The following KCNJ6 variants were observed in gnomAD, a reference collection of about 807,000 sequenced individuals.
KCNJ6 encodes G protein-activated inward rectifier potassium channel 2.
A neutral mutation model predicts 34.2 loss-of-function variants in KCNJ6; 9 were observed. The observed-to-expected ratio is 0.26, with a 90% confidence interval of 0.16 to 0.46. The LOEUF (loss-of-function observed/expected upper bound fraction) is 0.46, where lower values mean the gene tolerates loss of function less well. Ranked by LOEUF, KCNJ6 falls within the 20% of genes least tolerant of loss-of-function variation. The probability of loss-of-function intolerance (pLI) is 1.00; values close to 1 mark genes in which losing one functional copy is unlikely to be tolerated. For missense variants in KCNJ6, 236 were observed against 531.3 expected (o/e 0.44, Z 5.46); for synonymous variants, 196 against 207.1 (o/e 0.95, Z 0.46).
At chr21:37,683,706 G>A (rs2054599959) in intron 3 of KCNJ6, among the ~76,000 whole-genome samples, 1 of 152,228 alleles carries the variant, frequency 6.6e-6, no homozygotes, top group Admixed American at 6.5e-5. Context: ...CCCCAAGGGA[G>A]TGAGATGCAC....
At position 37,696,581 on chromosome 21, in the gene KCNJ6, CA is replaced by C. The variant is rs1286853718; in HGVS notation, c.946+17629del. ...AATATGAGATTGAGAGACATGACAA[CA>C]AAGTACGACCTGGGATTTCCTAGAA... On this transcript the variant is annotated intron_variant, in intron 3 of 3. Transcript: ENST00000609713. Among the ~76,000 whole-genome samples the C allele has an allele frequency of 2.6e-5, 4 of 152,156 alleles. No homozygotes were observed. In the East Asian group the frequency reaches 7.7e-4, roughly 29 times the overall value.
chr21:37,659,494 GA>G (rs1422834274), intron 3 of KCNJ6, among the ~76,000 whole-genome samples: 3 of 152,202 alleles, frequency 2.0e-5, no homozygotes, highest in African/African-American at 4.8e-5. Flanking sequence ...ATGTGACAGA[GA>G]AGAAGATGAG....
intron 2 of KCNJ6, among the ~76,000 whole-genome samples, chr21:37,743,388 G>C (rs2054950624): frequency 6.6e-6 from 1 of 152,126 alleles, no homozygotes; most frequent in African/African-American, 2.4e-5. Context: ...ATGTCAGCTT[G>C]CTGTTTGGGT....
chr21:37,713,484 C>T (rs529910389), intron 3 of KCNJ6, among the ~76,000 whole-genome samples: 2 of 152,220 alleles, frequency 1.3e-5, no homozygotes, highest in East Asian at 1.9e-4. Flanking sequence ...GGATGTGTAA[C>T]GTGCAAATTT....
chr21:37,915,741 G>A (rs2055890249), intron 1 of KCNJ6, 143 bp downstream of exon 1: 2 of 152,216 alleles, frequency 1.3e-5, no homozygotes, highest in African/African-American at 4.8e-5. Flanking sequence ...CGGCTGACTT[G>A]GGCACAATGT....
chr21:37,871,328 C>T (rs1448157485), intron 1 of KCNJ6, among the ~76,000 whole-genome samples: 2 of 152,138 alleles, frequency 1.3e-5, no homozygotes, highest in Admixed American at 6.5e-5. Flanking sequence ...TGCCTTGCAC[C>T]GTAATCACAG....
chr21:37,641,996 C>A (rs2054383025), intron 3 of KCNJ6, among the ~76,000 whole-genome samples: 2 of 152,162 alleles, frequency 1.3e-5, no homozygotes, highest in Admixed American at 1.3e-4. Context: ...CTGGCATGGG[C>A]AACAGGACGG....
At chr21:37,840,977 C>T (rs999145612) in intron 1 of KCNJ6, among the ~76,000 whole-genome samples, 5 of 152,118 alleles carry the variant, frequency 3.3e-5, no homozygotes, top group African/African-American at 1.2e-4. Flanking sequence ...TGGTGACGCA[C>T]GACCAGTTTT....
At chr21:37,792,977 C>G (rs997824807) in intron 2 of KCNJ6, among the ~76,000 whole-genome samples, 1 of 152,136 alleles carries the variant, frequency 6.6e-6, no homozygotes, top group Non-Finnish European at 1.5e-5. Flanking sequence ...GAGGCCCCTC[C>G]TCTAAAGATG....
intron 1 of KCNJ6, among the ~76,000 whole-genome samples, chr21:37,896,814 C>A (rs2055790734): frequency 6.6e-6 from 1 of 152,152 alleles, no homozygotes; most frequent in Admixed American, 6.5e-5. Flanking sequence ...CAGCGGAGGA[C>A]CCCAGGCTGA....
At position 37,617,098 on chromosome 21, in the gene KCNJ6, T is replaced by TTCTC. The variant is rs57401319; in HGVS notation, c.*8060_*8061insGAGA. 4.4e-5 allele frequency: 6 copies of TTCTC among 135,376 alleles called. No individual in the cohort carries two copies. The highest frequency in any genetic ancestry group is 1.1e-4 in the African/African-American group (4 of 35,360). The allele number at this position is 135,376 out of a possible 1,614,324, so 8.4% of individuals were successfully genotyped here. On this transcript the variant is annotated 3_prime_UTR_variant, in exon 4 of 4. Coordinates refer to ENST00000609713, the MANE Select transcript of KCNJ6 (RefSeq NM_002240.5). ...TTTTCTTTCTTTTTCTTTCTTTCTT[T>TTCTC]TCTTTCTTTCTTTCCTTCTTCCTTC... is the stretch of plus-strand genomic sequence containing the variant.
chr21:37,625,278 C>A lies in KCNJ6; in HGVS notation c.1153G>T (p.Val385Leu), dbSNP rs199512349. The A allele has an allele frequency of 1.9e-5, 30 of 1,614,082 alleles. No homozygotes were observed. Among genetic ancestry groups the A allele is most frequent in the Non-Finnish European group, 2.3e-5 (27 of 1,180,034 alleles). Reference protein sequence around the residue: ...SRAELPLSWSVSSKLNQHAEL... With the variant: ...SRAELPLSWSLSSKLNQHAEL... ...GCATGTTGGTTGAGTTTGCTGGATA[C>A]AGACCAACTCAGGGGCAGCTCTGCC... is the stretch of plus-strand genomic sequence containing the variant. The change falls in exon 4 of 4, where the codon GTA becomes TTA. Residue 385 changes from valine to leucine, a missense_variant. Around this residue, in one of 5 missense-constraint regions of KCNJ6, gnomAD observed 43 missense variants for 52.1 expected, o/e 0.82. Coordinates refer to ENST00000609713, the MANE Select transcript of KCNJ6 (RefSeq NM_002240.5).
intron 3 of KCNJ6, among the ~76,000 whole-genome samples, chr21:37,655,179 T>TG (rs1377937886): frequency 0.063 from 1,450 of 22,850 alleles, 34 homozygotes; most frequent in South Asian, 0.19. Flanking sequence ...CTCTAGACAT[T>TG]TGTGTGTGTG....
chr21:37,772,869 G>A (rs2835951), intron 2 of KCNJ6, among the ~76,000 whole-genome samples: 91,149 of 152,046 alleles, frequency 0.6, 28,116 homozygotes, highest in African/African-American at 0.72. Flanking sequence ...TGTATTAAAT[G>A]TACTATATAT....
chr21:37,763,094 A>C (rs1326364162), intron 2 of KCNJ6, among the ~76,000 whole-genome samples: 2 of 152,112 alleles, frequency 1.3e-5, no homozygotes, highest in Admixed American at 6.5e-5. Flanking sequence ...TGATTTGGGC[A>C]TCTGATGATG....
intron 2 of KCNJ6, among the ~76,000 whole-genome samples, chr21:37,824,525 C>T (rs1186442819): frequency 1.3e-5 from 2 of 152,060 alleles, no homozygotes; most frequent in Admixed American, 1.3e-4. Flanking sequence ...GGCTCTGTGT[C>T]CCCACTCCAA....
intron 2 of KCNJ6, among the ~76,000 whole-genome samples, chr21:37,780,437 T>C (rs1455426086): frequency 2.6e-5 from 4 of 152,210 alleles, no homozygotes; most frequent in African/African-American, 7.2e-5. Context: ...ATGTACAACA[T>C]AGAGTGAACC....
At chr21:37,738,223 A>G (rs2054923100) in intron 2 of KCNJ6, among the ~76,000 whole-genome samples, 3 of 152,216 alleles carry the variant, frequency 2.0e-5, no homozygotes, top group Non-Finnish European at 4.4e-5. Flanking sequence ...AATAGCTCAT[A>G]GATTACAAAC....
At chr21:37,769,436 ATT>A (rs2055107344) in intron 2 of KCNJ6, among the ~76,000 whole-genome samples, 1 of 149,550 alleles carries the variant, frequency 6.7e-6, no homozygotes, top group Non-Finnish European at 1.5e-5. Context: ...TATTATTATT[ATT>A]ATTATTACTA....
Sources: allele counts gnomAD v4.1 joint callset (sites outside exome capture counted in the v4.1 genomes callset), GRCh38; gene constraint gnomAD v4.1.1; regional missense constraint gnomAD v4.1.1; transcripts MANE v1.5; gene names NCBI Gene and HGNC (gene_info 2026-07-23, HGNC 2026-07-21).